PPP5C: variants seen among roughly 807,000 people sequenced by gnomAD.
The protein encoded by PPP5C is serine/threonine-protein phosphatase 5.
A neutral mutation model predicts 66.7 loss-of-function variants in PPP5C; 21 were observed. That is an observed-to-expected ratio of 0.31 (90% CI 0.22 to 0.45). The LOEUF (loss-of-function observed/expected upper bound fraction) is 0.45. Among genes scored for constraint, PPP5C ranks in the 20% least tolerant of loss-of-function variants. The probability of loss-of-function intolerance (pLI) is 1.00; values close to 1 mark genes in which losing one functional copy is unlikely to be tolerated. For missense variants in PPP5C, 464 were observed against 675.9 expected, an observed-to-expected ratio of 0.69 and a Z score of 3.48; for synonymous variants, 246 against 257.4, an observed-to-expected ratio of 0.96 and a Z score of 0.43.
chr19:46,349,355 G>C (rs537007623), intron 1 of PPP5C, among the ~76,000 whole-genome samples: 1 of 152,120 alleles, frequency 6.6e-6, no homozygotes, highest in African/African-American at 2.4e-5. Flanking sequence ...ATGGAAGAGA[G>C]TAGAGTCCAA....
At chr19:46,379,541 A>G (rs936884697) in intron 4 of PPP5C, among the ~76,000 whole-genome samples, 4 of 152,190 alleles carry the variant, frequency 2.6e-5, no homozygotes, top group East Asian at 3.8e-4. Context: ...ACTATCAGCA[A>G]TCATATGATT....
chr19:46,370,878 C>T (rs1972578914), intron 2 of PPP5C, among the ~76,000 whole-genome samples: 1 of 152,078 alleles, frequency 6.6e-6, no homozygotes, highest in Non-Finnish European at 1.5e-5. Flanking sequence ...GTACCTGGGA[C>T]TACAGGTGCC....
intron 2 of PPP5C, among the ~76,000 whole-genome samples, chr19:46,360,212 A>C (rs1357260327): frequency 6.6e-6 from 1 of 152,216 alleles, no homozygotes; most frequent in Non-Finnish European, 1.5e-5. Flanking sequence ...AATTTAACAT[A>C]ATAATCATAA....
intron 11 of PPP5C, among the ~76,000 whole-genome samples, chr19:46,389,365 ACACACACACACACAC>A (rs1972956794): frequency 1.2e-3 from 2 of 1,716 alleles, no homozygotes; most frequent in African/African-American, 1.8e-3. Context: ...ATCTCAAAAC[ACACACACACACACAC>A]ACACACACAC....
At position 46,389,440 on chromosome 19, in the gene PPP5C, CACACACACACACACACACACAG is replaced by C. The variant is rs1568579977; in HGVS notation, c.1356-610_1356-589del. Among the ~76,000 whole-genome samples, 12 of 81,658 alleles carry C rather than the reference CACACACACACACACACACACAG, an allele frequency of 1.5e-4. 2 individuals carry two copies. Among genetic ancestry groups the C allele is most frequent in the African/African-American group, 4.7e-4 (10 of 21,252 alleles). 53.6% of individuals were successfully genotyped at this position (81,658 alleles called of 152,430 possible). ...ACACACACACACACACACACACACA[CACACACACACACACACACACAG>C]TGTTGATCCCTTGCCCCCACCCGAA... On this transcript the variant is annotated intron_variant, in intron 11 of 12. Coordinates refer to ENST00000012443, the MANE Select transcript of PPP5C (RefSeq NM_006247.4).
chr19:46,372,304 A>G (rs1179595657), intron 2 of PPP5C, among the ~76,000 whole-genome samples: 13 of 152,002 alleles, frequency 8.6e-5, no homozygotes, highest in Non-Finnish European at 2.9e-5. Context: ...GGCTCAAGCA[A>G]TCCTCCCACC....
chr19:46,349,783 A>C (rs1454433952), intron 1 of PPP5C, among the ~76,000 whole-genome samples: 2 of 151,816 alleles, frequency 1.3e-5, no homozygotes, highest in Non-Finnish European at 2.9e-5. Flanking sequence ...GGACAGAAAT[A>C]GATTCAAGAA....
chr19:46,378,666 G>A (rs1441678723), intron 4 of PPP5C, among the ~76,000 whole-genome samples: 1 of 152,100 alleles, frequency 6.6e-6, no homozygotes, highest in Admixed American at 6.6e-5. Flanking sequence ...ATGCTTTCTT[G>A]ATGAATTGAC....
At chr19:46,347,241 T>A (rs769368307) in intron 1 of PPP5C, 24 bp downstream of exon 1, 8 of 1,590,476 alleles carry the variant, frequency 5.0e-6, no homozygotes, top group Non-Finnish European at 6.8e-6. Context: ...GCAGGGAGGG[T>A]GGACAGTGGC....
At chr19:46,380,127 A>G (rs924393900) in intron 4 of PPP5C, among the ~76,000 whole-genome samples, 3 of 152,064 alleles carry the variant, frequency 2.0e-5, no homozygotes, top group Admixed American at 2.0e-4. Context: ...CAACATGGCA[A>G]AAACCCCATC....
At chr19:46,374,618 G>A (rs1210967089) in intron 2 of PPP5C, among the ~76,000 whole-genome samples, 1 of 152,138 alleles carries the variant, frequency 6.6e-6, no homozygotes, top group South Asian at 2.1e-4. Flanking sequence ...CCTTTCACTG[G>A]GAACTTGCTA....
At chr19:46,364,828 T>C (rs1246621241) in intron 2 of PPP5C, among the ~76,000 whole-genome samples, 1 of 150,536 alleles carries the variant, frequency 6.6e-6, no homozygotes, top group Non-Finnish European at 1.5e-5. Flanking sequence ...CATTGCACTT[T>C]GGGGTATCTC....
chr19:46,385,143 G>A (rs1355974974), intron 7 of PPP5C, among the ~76,000 whole-genome samples: 3 of 152,196 alleles, frequency 2.0e-5, no homozygotes, highest in African/African-American at 7.2e-5. Flanking sequence ...TTCAGCAGAT[G>A]GCAAACAAGG....
chr19:46,378,222 G>GT (rs1195792096), intron 4 of PPP5C, among the ~76,000 whole-genome samples: 6 of 152,048 alleles, frequency 3.9e-5, no homozygotes, highest in Non-Finnish European at 7.4e-5. Flanking sequence ...AGTTAGAATT[G>GT]TTTTCTAATT....
chr19:46,388,864 C>T lies in PPP5C; in HGVS notation c.1355+133C>T, dbSNP rs1219497158. 2.2e-5 allele frequency: 24 copies of T among 1,109,636 alleles called. 1 individual carries two copies. Among genetic ancestry groups the T allele is most frequent in the South Asian group, 4.7e-5 (3 of 64,366 alleles). 68.7% of individuals were successfully genotyped at this position (1,109,636 alleles called of 1,614,324 possible). On this transcript the variant is annotated intron_variant, in intron 11 of 12. Coordinates refer to ENST00000012443, the MANE Select transcript of PPP5C (RefSeq NM_006247.4). This position sits in a 1 kb window ranked among gnomAD's most constrained non-coding sequence, Gnocchi z 4.9. ...GATAAAAGAACATGACGAACACCCC[C>T]GTATGTGTCACCCACCCATGCAGCA...
Position 46,383,439 on chromosome 19 carries a change from C to G in PPP5C, c.662C>G (p.Ser221Cys). Residue 221 changes from serine (S) to cysteine (C), a missense_variant, in exon 5 of 13, where the codon TCC (serine) becomes TGC (cysteine). Physicochemically the swap from Ser to Cys is moderately radical, Grantham distance 112. Transcript: ENST00000012443. This position sits in a 1 kb window ranked among gnomAD's most constrained non-coding sequence, Gnocchi z 5.0. ...CTGGTACAGGTCAAAGAGGTCCTCT[C>G]CAAGCTGAGCACGCTCGTGGAAACC... is the stretch of plus-strand genomic sequence containing the variant. ...QILVQVKEVL[S>C]KLSTLVETTL... 1.2e-6 allele frequency: 2 copies of G among 1,612,198 alleles called. No homozygotes were observed. The highest frequency in any genetic ancestry group is 2.2e-5 in the South Asian group (2 of 90,708).
chr19:46,351,143 G>C (rs541870686), intron 1 of PPP5C, among the ~76,000 whole-genome samples: 16 of 152,316 alleles, frequency 1.1e-4, no homozygotes, highest in Admixed American at 7.2e-4. Flanking sequence ...TGGGGAGGAA[G>C]CAGGCCATGG....
chr19:46,385,462 A>G (rs1476313794), intron 7 of PPP5C, among the ~76,000 whole-genome samples: 1 of 152,158 alleles, frequency 6.6e-6, no homozygotes, highest in African/African-American at 2.4e-5. Context: ...TGGGCAACAC[A>G]GTGAGACTTT....
chr19:46,379,847 C>T (rs575808743), intron 4 of PPP5C, among the ~76,000 whole-genome samples: 1 of 142,910 alleles, frequency 7.0e-6, no homozygotes, highest in South Asian at 2.1e-4. Context: ...AATCTGTGTG[C>T]TCTCCTTGGG....
Sources: allele counts gnomAD v4.1 joint callset (sites outside exome capture counted in the v4.1 genomes callset), GRCh38; gene constraint gnomAD v4.1.1; non-coding constraint Gnocchi (gnomAD v3.1); transcripts MANE v1.5; gene names NCBI Gene and HGNC (gene_info 2026-07-23, HGNC 2026-07-21).